RNF32: variants seen among roughly 807,000 people sequenced by gnomAD.
RNF32 encodes the protein ring finger protein 32.
In RNF32, 36 loss-of-function variants were observed where a neutral mutation model predicts 41.0. That is an observed-to-expected ratio of 0.88 (90% CI 0.67 to 1.16). The LOEUF (loss-of-function observed/expected upper bound fraction) is 1.16, where lower values mean the gene tolerates loss of function less well. RNF32 is among the 50% of genes most tolerant of loss of function. The probability of loss-of-function intolerance (pLI) is 0.00; values close to 1 mark genes in which losing one functional copy is unlikely to be tolerated. For synonymous variants in RNF32, 154 were observed against 160.9 expected, an observed-to-expected ratio of 0.96 and a Z score of 0.32; for missense variants, 413 against 436.7, an observed-to-expected ratio of 0.95 and a Z score of 0.48.
At chr7:156,655,264 GAGAGAGAGAGAGAATGCATATATATATAT>G (rs1490051373) in intron 4 of RNF32, among the ~76,000 whole-genome samples, 1 of 139,372 alleles carries the variant, frequency 7.2e-6, no homozygotes, top group Non-Finnish European at 1.6e-5. Flanking sequence ...CACACACACA[GAGAGAGAGAGAGAATGCATATATATATAT>G]AGAGAGAGAG....
At chr7:156,655,606 T>G (rs1799537387) in intron 4 of RNF32, among the ~76,000 whole-genome samples, 1 of 152,172 alleles carries the variant, frequency 6.6e-6, no homozygotes, top group South Asian at 2.1e-4. Context: ...TGAATTTGAG[T>G]AGGTTTCATC....
rs923133281 is a variant in RNF32, at chr7:156,644,700, C to G, written c.217C>G (p.Leu73Val). The G allele has an allele frequency of 6.2e-7, 1 of 1,612,414 alleles. No homozygotes were observed. Among genetic ancestry groups the G allele is most frequent in the African/African-American group, 1.3e-5 (1 of 74,758 alleles). The change falls in exon 3 of 9, where the codon CTA becomes GTA. Residue 73 changes from leucine (L) to valine (V), a missense_variant. By Grantham distance (32) the Leu-to-Val change is conservative. Transcript: ENST00000317955. ...GLKKTTQCPK[L>V]EDSEKEYVLD... is the part of the protein sequence containing the mutation. ...TAAAAAAACTACACAGTGCCCCAAA[C>G]TAGAAGACTCAGAAAAAGAATATGT...
intron 3 of RNF32, among the ~76,000 whole-genome samples, chr7:156,645,922 T>C (rs1408484295): frequency 6.6e-6 from 1 of 152,228 alleles, no homozygotes; most frequent in Non-Finnish European, 1.5e-5. Context: ...GATTGCTAGA[T>C]ACTCTTTGAT....
intron 3 of RNF32, among the ~76,000 whole-genome samples, chr7:156,647,977 T>C (rs1798193476): frequency 6.6e-6 from 1 of 152,182 alleles, no homozygotes; most frequent in Non-Finnish European, 1.5e-5. Context: ...GCATATCTTC[T>C]TTTGGGAAAT....
intron 1 of RNF32, 37 bp from the exon 2 acceptor site, chr7:156,643,760 TGCAC>T: frequency 1.1e-6 from 1 of 898,056 alleles, no homozygotes; most frequent in South Asian, 1.5e-5. Flanking sequence ...GGTTTTTCTG[TGCAC>T]TGTAACTTTG....
Position 156,644,658 on chromosome 7 carries a change from A to G in RNF32, c.175A>G (p.Ile59Val), listed in dbSNP as rs988551294. 3.7e-6 allele frequency: 6 copies of G among 1,613,218 alleles called. No individual in the cohort carries two copies. Among genetic ancestry groups the G allele is most frequent in the South Asian group, 1.1e-5 (1 of 91,062 alleles). The change falls in exon 3 of 9, where the codon ATA becomes GTA. Residue 59 changes from isoleucine to valine, a missense_variant. By Grantham distance (29) the Ile-to-Val change is conservative (BLOSUM62 3). Transcript: ENST00000317955. Reference sequence around the variant, plus strand: ...ATCTCTAAAAAGAGATACAAAGGCAATAATAGATACTGGACTTAAAAAAAC... The same window carrying G: ...ATCTCTAAAAAGAGATACAAAGGCAGTAATAGATACTGGACTTAAAAAAAC... ...NKSLKRDTKA[I>V]IDTGLKKTTQ... is the part of the protein sequence containing the mutation.
At chr7:156,659,181 G>A in intron 7 of RNF32, 1 of 1,180,958 alleles carries the variant, frequency 8.5e-7, no homozygotes, top group Non-Finnish European at 1.0e-6. Context: ...GCAAACAGCA[G>A]CAGCTCCGAG....
In RNF32 at chr7:156,644,611, A is replaced by C. The variant is rs528157404; in HGVS notation, c.128A>C (p.Gln43Pro). ...TCAGTTGCAGATCATTCTAAGACAC[A>C]AGTACAAAAGAAAGAGAACAAATCT... The part of the protein sequence containing the change: ...NLSVADHSKT[Q>P]VQKKENKSLK... Residue 43 changes from glutamine (Q) to proline (P), a missense_variant, in exon 3 of 9, where the codon CAA (glutamine) becomes CCA (proline). Transcript: ENST00000317955. The C allele has an allele frequency of 1.8e-5, 29 of 1,613,482 alleles. 1 individual carries two copies. In the East Asian group the frequency reaches 6.5e-4, roughly 36 times the overall value.
chr7:156,666,361 C>T (rs74446551), intron 7 of RNF32, among the ~76,000 whole-genome samples: 1,878 of 152,234 alleles, frequency 0.012, 31 homozygotes, highest in African/African-American at 0.042. Flanking sequence ...GGTGTGTTGA[C>T]GAGTGAAAAG....
chr7:156,659,534 CATA>C lies in RNF32; in HGVS notation c.684+965_684+967del, dbSNP rs148983893. On this transcript the variant is annotated intron_variant, in intron 7 of 8. Coordinates refer to ENST00000317955, the MANE Select transcript of RNF32 (RefSeq NM_030936.4). ...CTACTCTTAGTAATTTCTAATATGT[CATA>C]GTAGGTTGTCTCTTAAATCAGAAGT... 2,672 of 984,874 alleles carry C rather than the reference CATA, an allele frequency of 2.7e-3. 59 individuals are homozygous for C. In the African/African-American group the frequency reaches 0.043, roughly 16 times the overall value. The allele number at this position is 984,874 out of a possible 1,614,324, so 61.0% of individuals were successfully genotyped here.
At chr7:156,667,116 T>C (rs1171322129) in intron 7 of RNF32, among the ~76,000 whole-genome samples, 1 of 152,210 alleles carries the variant, frequency 6.6e-6, no homozygotes, top group East Asian at 1.9e-4. Flanking sequence ...AAACATTCTG[T>C]TGCTAACTTG....
At position 156,670,813 on chromosome 7, in the gene RNF32, G is replaced by T. The variant is rs533054977; in HGVS notation, c.685-4883G>T. ...CAGACAAAAAGTGTGCCACTAGAACGTCTTCGTTAAAGGAAATTCTAAAGG... is the reference window on the plus strand; with the variant it reads ...CAGACAAAAAGTGTGCCACTAGAACTTCTTCGTTAAAGGAAATTCTAAAGG... On this transcript the variant is annotated intron_variant, in intron 7 of 8. Coordinates refer to ENST00000317955, the MANE Select transcript of RNF32 (RefSeq NM_030936.4). The surrounding 1 kb of genome is among the most constrained non-coding windows in gnomAD (Gnocchi z 4.3). Among the ~76,000 whole-genome samples, 5 of 152,210 alleles carry T rather than the reference G, an allele frequency of 3.3e-5. No homozygotes were observed. Among genetic ancestry groups the T allele is most frequent in the African/African-American group, 1.2e-4 (5 of 41,448 alleles).
intron 7 of RNF32, among the ~76,000 whole-genome samples, chr7:156,673,062 G>A (rs1585117495): frequency 6.6e-6 from 1 of 152,202 alleles, no homozygotes; most frequent in East Asian, 1.9e-4. Flanking sequence ...CGGGGTCTGG[G>A]CCCCACCTTG....
chr7:156,661,343 G>A (rs1431615767), intron 7 of RNF32, among the ~76,000 whole-genome samples: 1 of 147,432 alleles, frequency 6.8e-6, no homozygotes, highest in Non-Finnish European at 1.5e-5. Context: ...TTTTTGAGAC[G>A]GAGTCTCGCT....
rs1222082255 is a variant in RNF32 at position 156,669,333 on chromosome 7, A to G, written c.685-6363A>G. 1 of 152,246 alleles carries G rather than the reference A, an allele frequency of 6.6e-6. No homozygotes were observed. The highest frequency in any genetic ancestry group is 2.4e-5 in the African/African-American group (1 of 41,438). The allele number at this position is 152,246 out of a possible 1,614,324, so 9.4% of individuals were successfully genotyped here. A position where few individuals can be genotyped will look rare whatever the true frequency, so the allele number is the denominator to read the frequency against. ...AAATATTTTGTTACAATTTTCAAGA[A>G]TAAGTGCCAGGAAGAAAAATGCAAA... On this transcript the variant is annotated intron_variant, in intron 7 of 8. Coordinates refer to ENST00000317955, the MANE Select transcript of RNF32 (RefSeq NM_030936.4). The surrounding 1 kb of genome is among the most constrained non-coding windows in gnomAD (Gnocchi z 4.2).
chr7:156,661,940 A>G (rs951351466), intron 7 of RNF32, among the ~76,000 whole-genome samples: 1 of 152,192 alleles, frequency 6.6e-6, no homozygotes, highest in African/African-American at 2.4e-5. Flanking sequence ...ACATATACGC[A>G]CACACACTCA....
At chr7:156,647,088 G>A (rs549187335) in intron 3 of RNF32, among the ~76,000 whole-genome samples, 1 of 152,142 alleles carries the variant, frequency 6.6e-6, no homozygotes, top group Non-Finnish European at 1.5e-5. Flanking sequence ...CTGACCTCAG[G>A]TAATCCACCC....
chr7:156,641,060 C>G (rs1041412655), intron 1 of RNF32: 3 of 153,094 alleles, frequency 2.0e-5, no homozygotes, highest in African/African-American at 7.2e-5. Context: ...CTGCCTAAAG[C>G]CTTAGAACAG....
intron 7 of RNF32, among the ~76,000 whole-genome samples, chr7:156,665,560 T>C (rs956652510): frequency 6.6e-6 from 1 of 152,240 alleles, no homozygotes; most frequent in African/African-American, 2.4e-5. Context: ...AACGTTAAAC[T>C]GTTGCAAATT....
Sources: allele counts gnomAD v4.1 joint callset (sites outside exome capture counted in the v4.1 genomes callset), GRCh38; gene constraint gnomAD v4.1.1; non-coding constraint Gnocchi (gnomAD v3.1); transcripts MANE v1.5; gene names NCBI Gene and HGNC (gene_info 2026-07-23, HGNC 2026-07-21).